NR6A1: variants seen among roughly 807,000 people sequenced by gnomAD.
NR6A1 encodes retinoic acid receptor-related testis-associated receptor.
NR6A1 carries 7 observed loss-of-function variants against 59.1 expected under a neutral mutation model. That is an observed-to-expected ratio of 0.12 (90% CI 0.07 to 0.22). The LOEUF (loss-of-function observed/expected upper bound fraction) is 0.22, where lower values mean the gene tolerates loss of function less well. Among genes scored for constraint, NR6A1 ranks in the 10% least tolerant of loss-of-function variants. The pLI, the probability that NR6A1 is intolerant of heterozygous loss-of-function variation, is 1.00. For missense variants in NR6A1, 468 were observed against 611.6 expected, an observed-to-expected ratio of 0.77 and a Z score of 2.48; for synonymous variants, 243 against 236.1, an observed-to-expected ratio of 1.03 and a Z score of -0.27.
At chr9:124,707,259 A>G (rs866380489) in intron 2 of NR6A1, among the ~76,000 whole-genome samples, 1 of 151,984 alleles carries the variant, frequency 6.6e-6, no homozygotes, top group Non-Finnish European at 1.5e-5. Context: ...CAATTCTTTC[A>G]TCACCTCAAA....
At chr9:124,646,776 G>T (rs1253345701) in intron 2 of NR6A1, among the ~76,000 whole-genome samples, 1 of 152,166 alleles carries the variant, frequency 6.6e-6, no homozygotes. Flanking sequence ...TGACCTAGAT[G>T]AAACAAACCA....
At chr9:124,740,649 G>A (rs576448541) in intron 1 of NR6A1, among the ~76,000 whole-genome samples, 1 of 152,254 alleles carries the variant, frequency 6.6e-6, no homozygotes, top group Admixed American at 6.5e-5. Flanking sequence ...AGGTTTCAGA[G>A]AAGTCTGTTT....
chr9:124,703,821 G>C (rs1447446325), intron 2 of NR6A1, among the ~76,000 whole-genome samples: 1 of 126,536 alleles, frequency 7.9e-6, no homozygotes, highest in South Asian at 2.7e-4. Context: ...TAGTATTATT[G>C]CTTCCTTGAT....
intron 2 of NR6A1, chr9:124,658,421 C>A (rs1002784574): frequency 1.3e-5 from 2 of 152,312 alleles, no homozygotes; most frequent in Non-Finnish European, 1.5e-5. Flanking sequence ...TAGTTCAATG[C>A]GAGCTGAGCA....
At chr9:124,760,568 T>C (rs972306024) in intron 1 of NR6A1, among the ~76,000 whole-genome samples, 4 of 152,150 alleles carry the variant, frequency 2.6e-5, no homozygotes, top group East Asian at 1.9e-4. Flanking sequence ...TCAGAGTATA[T>C]TGGAGAAGAG....
chr9:124,517,607 G>C lies in NR6A1; in HGVS notation c.*5098C>G, dbSNP rs1012941015. On this transcript the variant is annotated 3_prime_UTR_variant, in exon 10 of 10. Coordinates refer to ENST00000487099, the MANE Select transcript of NR6A1 (RefSeq NM_033334.4). ...GTGGACCTAGGGCAGGTAACCTGGG[G>C]GTAGGCTCGTGGATGTGTGTGCCAC... is the stretch of plus-strand genomic sequence containing the variant. 3 of 152,288 alleles carry C rather than the reference G, an allele frequency of 2.0e-5. No homozygotes were observed. The highest frequency in any genetic ancestry group is 2.9e-5 in the Non-Finnish European group (2 of 68,104). The allele number at this position is 152,288 out of a possible 1,614,324, so 9.4% of individuals were successfully genotyped here. A position where few individuals can be genotyped will look rare whatever the true frequency, so the allele number is the denominator to read the frequency against.
Position 124,522,543 on chromosome 9 carries a change from G to C in NR6A1, c.*162C>G, listed in dbSNP as rs1588632966. 2.0e-6 allele frequency: 1 copy of C among 509,638 alleles called. No individual in the cohort carries two copies. The highest frequency in any genetic ancestry group is 3.6e-6 in the Non-Finnish European group (1 of 280,912). The allele number at this position is 509,638 out of a possible 1,614,324, so 31.6% of individuals were successfully genotyped here. A position where few individuals can be genotyped will look rare whatever the true frequency, so the allele number is the denominator to read the frequency against. Reference sequence around the variant, plus strand: ...GTGAAATAAATATATAGAAAAATGAGGTTAAAAAAACAGACAAACAAACAA... The same window carrying C: ...GTGAAATAAATATATAGAAAAATGACGTTAAAAAAACAGACAAACAAACAA... On this transcript the variant is annotated 3_prime_UTR_variant, in exon 10 of 10. Coordinates refer to ENST00000487099, the MANE Select transcript of NR6A1 (RefSeq NM_033334.4).
chr9:124,551,335 A>G lies in NR6A1; in HGVS notation c.385+2993T>C, dbSNP rs549375250. Among the ~76,000 whole-genome samples, 3 of 152,342 alleles carry G rather than the reference A, an allele frequency of 2.0e-5. No individual in the cohort carries two copies. In the East Asian group the frequency reaches 5.8e-4, roughly 29 times the overall value. On this transcript the variant is annotated intron_variant, in intron 3 of 9. Coordinates refer to ENST00000487099, the MANE Select transcript of NR6A1 (RefSeq NM_033334.4). ...TTAAATCTATCTGAAACACGAATAC[A>G]TATTGATACACTGATTCCAATCTAG...
At chr9:124,703,632 G>A (rs1345403689) in intron 2 of NR6A1, among the ~76,000 whole-genome samples, 15 of 152,028 alleles carry the variant, frequency 9.9e-5, no homozygotes, top group Non-Finnish European at 1.8e-4. Context: ...ATTCTATATT[G>A]TTGAATTTGG....
At chr9:124,552,926 T>A (rs1452484175) in intron 3 of NR6A1, among the ~76,000 whole-genome samples, 3 of 152,216 alleles carry the variant, frequency 2.0e-5, no homozygotes, top group Admixed American at 2.0e-4. Context: ...TCTGAGTATA[T>A]CTGGATGTCT....
At position 124,652,546 on chromosome 9, in the gene NR6A1, G is replaced by A. The variant is rs988346858; in HGVS notation, c.142+80762C>T. 3.3e-5 allele frequency among the ~76,000 whole-genome samples: 5 copies of A among 152,082 alleles called. No individual in the cohort carries two copies. The East Asian group carries it at 5.8e-4, about 18-fold the overall frequency. ...TGCATGGCTCATAGCAGACAACAAC[G>A]GGAATTAATTTCCTTCCTTTCCCTT... On this transcript the variant is annotated intron_variant, in intron 2 of 9. Coordinates refer to ENST00000487099, the MANE Select transcript of NR6A1 (RefSeq NM_033334.4).
At chr9:124,639,892 G>C (rs1454058471) in intron 2 of NR6A1, among the ~76,000 whole-genome samples, 1 of 152,154 alleles carries the variant, frequency 6.6e-6, no homozygotes, top group Non-Finnish European at 1.5e-5. Context: ...GAAACAATTA[G>C]TATATACAAC....
intron 2 of NR6A1, among the ~76,000 whole-genome samples, chr9:124,648,641 A>ACCTTGTTTGC (rs1837005807): frequency 6.6e-6 from 1 of 152,118 alleles, no homozygotes; most frequent in Non-Finnish European, 1.5e-5. Flanking sequence ...CAAACTGTAA[A>ACCTTGTTTGC]AGAAGAAGTC....
chr9:124,563,372 A>G (rs1470190501), intron 2 of NR6A1, among the ~76,000 whole-genome samples: 1 of 152,204 alleles, frequency 6.6e-6, no homozygotes, highest in Non-Finnish European at 1.5e-5. Flanking sequence ...AGAACTGTAA[A>G]AAGTTTTAAA....
intron 3 of NR6A1, among the ~76,000 whole-genome samples, chr9:124,546,068 T>A (rs1049496702): frequency 2.6e-5 from 4 of 152,224 alleles, no homozygotes; most frequent in African/African-American, 9.6e-5. Context: ...TGAACTGAGA[T>A]GGTGCTATTG....
intron 1 of NR6A1, among the ~76,000 whole-genome samples, chr9:124,738,356 A>G (rs959065966): frequency 1.3e-5 from 2 of 152,154 alleles, no homozygotes; most frequent in African/African-American, 4.8e-5. Context: ...TATTAAACAG[A>G]TCAGGAAATT....
intron 2 of NR6A1, among the ~76,000 whole-genome samples, chr9:124,566,702 T>C (rs1292543949): frequency 6.6e-6 from 1 of 152,112 alleles, no homozygotes; most frequent in African/African-American, 2.4e-5. Flanking sequence ...GATAGGAAAG[T>C]GGCAGAGAGG....
chr9:124,577,061 A>G (rs756580716), intron 2 of NR6A1, among the ~76,000 whole-genome samples: 9 of 152,152 alleles, frequency 5.9e-5, no homozygotes, highest in Non-Finnish European at 8.8e-5. Context: ...ATCTCTATTA[A>G]AAAACCAAAA....
At chr9:124,717,705 C>T (rs1412491841) in intron 2 of NR6A1, among the ~76,000 whole-genome samples, 1 of 152,128 alleles carries the variant, frequency 6.6e-6, no homozygotes, top group African/African-American at 2.4e-5. Flanking sequence ...CGTTTCATTG[C>T]ATGTAAGTCA....
Sources: allele counts gnomAD v4.1 joint callset (sites outside exome capture counted in the v4.1 genomes callset), GRCh38; gene constraint gnomAD v4.1.1; transcripts MANE v1.5; gene names NCBI Gene and HGNC (gene_info 2026-07-23, HGNC 2026-07-21).